NOTCH2NLA: variants seen among roughly 807,000 people sequenced by gnomAD.
NOTCH2NLA encodes the protein notch homolog 2 N-terminal-like protein A.
intron 2 of NOTCH2NLA, among the ~76,000 whole-genome samples, chr1:146,171,426 C>A (rs1661974821): frequency 7.2e-6 from 1 of 138,578 alleles, no homozygotes; most frequent in Non-Finnish European, 1.7e-5. Flanking sequence ...GCGAGACTCC[C>A]TCTCAAAAAA....
chr1:146,154,244 G>T (rs1571256536), downstream of NOTCH2NLA: 2 of 127,518 alleles, frequency 1.6e-5, no homozygotes, highest in African/African-American at 6.3e-5. Context: ...CAAAGCAAAG[G>T]CTTTGAAAAT....
chr1:146,198,076 TG>T (rs587725224), intron 1 of NOTCH2NLA, among the ~76,000 whole-genome samples: 13 of 32,680 alleles, frequency 4.0e-4, no homozygotes, highest in African/African-American at 1.3e-3. Flanking sequence ...CATGTTTATG[TG>T]TGGAATTTCA....
At chr1:146,180,453 G>A (rs1553809050) in intron 2 of NOTCH2NLA, among the ~76,000 whole-genome samples, 1 of 141,070 alleles carries the variant, frequency 7.1e-6, no homozygotes, top group Non-Finnish European at 1.6e-5. Context: ...GAAATTAACT[G>A]CATTACTTTT....
rs369253629 is a variant in NOTCH2NLA at position 146,197,052 on chromosome 1, GA to G, written c.-44-7672del. Among the ~76,000 whole-genome samples, 8 of 1,996 alleles carry G rather than the reference GA, an allele frequency of 4.0e-3. 1 individual carries two copies. Among genetic ancestry groups the G allele is most frequent in the African/African-American group, 0.017 (7 of 408 alleles). 1.3% of individuals were successfully genotyped at this position (1,996 alleles called of 152,430 possible). A position where few individuals can be genotyped will look rare whatever the true frequency, so the allele number is the denominator to read the frequency against. ...CCTTGAAATTTGTCTTGATTAAAAG[GA>G]AAAAAAAAAACCAAAAAAAAGCAAT... On this transcript the variant is annotated intron_variant, in intron 1 of 4. Coordinates refer to ENST00000362074, the Ensembl canonical transcript of NOTCH2NLA.
At chr1:146,159,445 A>G (rs1268314883) in intron 3 of NOTCH2NLA, among the ~76,000 whole-genome samples, 19 of 139,828 alleles carry the variant, frequency 1.4e-4, no homozygotes, top group South Asian at 4.8e-4. Context: ...GAAAGAAAGA[A>G]AGAGAAAGAA....
chr1:146,194,739 C>A (rs1384503890), intron 1 of NOTCH2NLA, among the ~76,000 whole-genome samples: 2 of 75,096 alleles, frequency 2.7e-5, no homozygotes. Flanking sequence ...CTTTTTCTTC[C>A]AAGGACAAGC....
chr1:146,171,017 TA>T lies in NOTCH2NLA; in HGVS notation c.39-6008del, dbSNP rs1231590073. Among the ~76,000 whole-genome samples the T allele has an allele frequency of 3.6e-5, 5 of 137,820 alleles. No individual in the cohort carries two copies. The Admixed American group carries it at 3.8e-4, about 10-fold the overall frequency. 90.4% of individuals were successfully genotyped at this position (137,820 alleles called of 152,430 possible). A position where few individuals can be genotyped will look rare whatever the true frequency, so the allele number is the denominator to read the frequency against. On this transcript the variant is annotated intron_variant, in intron 2 of 4. Coordinates refer to ENST00000362074, the Ensembl canonical transcript of NOTCH2NLA. ...ACTGAAAACATATTTTCTAAGTACT[TA>T]ACTATGTATTGTATATTTGCTAAGC...
intron 1 of NOTCH2NLA, among the ~76,000 whole-genome samples, chr1:146,198,839 T>C (rs1254074435): frequency 6.0e-4 from 38 of 63,506 alleles, no homozygotes; most frequent in Non-Finnish European, 1.3e-3. Context: ...TCACCCAGGC[T>C]GGAGTGCAGT....
At chr1:146,180,755 G>A (rs1474080291) in intron 2 of NOTCH2NLA, among the ~76,000 whole-genome samples, 1 of 138,620 alleles carries the variant, frequency 7.2e-6, no homozygotes, top group Non-Finnish European at 1.7e-5. Context: ...GTTGAGAGGA[G>A]GCCTAATGAA....
chr1:146,228,861 C>T (rs1239556477), exon 1 of NOTCH2NLA: 5 of 1,480,802 alleles, frequency 3.4e-6, no homozygotes, highest in East Asian at 5.0e-5. Flanking sequence ...GATAGAGGAG[C>T]CCCACTCTCT....
At chr1:146,162,252 G>T (rs1260493019) in intron 3 of NOTCH2NLA, among the ~76,000 whole-genome samples, 4 of 145,496 alleles carry the variant, frequency 2.7e-5, no homozygotes, top group Non-Finnish European at 6.0e-5. Flanking sequence ...TTCAGTTGGG[G>T]ACTAGTGTGT....
intron 3 of NOTCH2NLA, among the ~76,000 whole-genome samples, chr1:146,159,802 T>C (rs1205854632): frequency 1.3e-5 from 1 of 76,966 alleles, no homozygotes; most frequent in Non-Finnish European, 2.9e-5. Flanking sequence ...AGCCCATCTC[T>C]ACTAAAAATA....
intron 3 of NOTCH2NLA, among the ~76,000 whole-genome samples, chr1:146,159,477 GA>G (rs1661380216): frequency 6.6e-6 from 1 of 151,426 alleles, no homozygotes; most frequent in Middle Eastern, 3.2e-3. Flanking sequence ...AAGGGAGAAA[GA>G]AAGAAAGAAT....
intron 1 of NOTCH2NLA, among the ~76,000 whole-genome samples, chr1:146,198,825 T>A: frequency 1.4e-5 from 1 of 73,674 alleles, no homozygotes; most frequent in East Asian, 2.4e-4. Context: ...GGAGTCTCGC[T>A]CTGTCACCCA....
At chr1:146,180,756 G>A (rs587651302) in intron 2 of NOTCH2NLA, among the ~76,000 whole-genome samples, 2 of 138,640 alleles carry the variant, frequency 1.4e-5, no homozygotes, top group East Asian at 3.9e-4. Flanking sequence ...TTGAGAGGAG[G>A]CCTAATGAAA....
At chr1:146,195,260 T>C (rs1663121640) in intron 1 of NOTCH2NLA, among the ~76,000 whole-genome samples, 3 of 103,874 alleles carry the variant, frequency 2.9e-5, no homozygotes, top group African/African-American at 1.2e-4. Context: ...CTCTGTATCT[T>C]CTTTGTGCTT....
Position 146,180,200 on chromosome 1 carries a change from C to G in NOTCH2NLA, c.38+9100G>C, listed in dbSNP as rs587775350. On this transcript the variant is annotated intron_variant, in intron 2 of 4. Coordinates refer to ENST00000362074, the Ensembl canonical transcript of NOTCH2NLA. ...CCTGAATCTATACAGATTTAATACC[C>G]TAAATGCTACCATTCTACATAAATC... Among the ~76,000 whole-genome samples, 4 of 142,902 alleles carry G rather than the reference C, an allele frequency of 2.8e-5. 1 individual carries two copies. Among genetic ancestry groups the G allele is most frequent in the Non-Finnish European group, 3.2e-5 (2 of 62,300 alleles). 93.7% of individuals were successfully genotyped at this position (142,902 alleles called of 152,430 possible).
chr1:146,228,917 C>T (rs782089681), exon 1 of NOTCH2NLA: 1 of 1,470,318 alleles, frequency 6.8e-7, no homozygotes, highest in African/African-American at 1.5e-5. Flanking sequence ...GCGCTACGCT[C>T]CGAAGCCCAG....
chr1:146,172,253 A>G (rs1662023264), intron 2 of NOTCH2NLA, among the ~76,000 whole-genome samples: 1 of 109,660 alleles, frequency 9.1e-6, no homozygotes. Flanking sequence ...ATGGACCAGC[A>G]TCCTATCCAT....
Sources: allele counts gnomAD v4.1 joint callset (sites outside exome capture counted in the v4.1 genomes callset), GRCh38; gene constraint gnomAD v4.1.1; transcripts MANE v1.5; gene names NCBI Gene and HGNC (gene_info 2026-07-23, HGNC 2026-07-21).